Variants in MCF2L observed in about 807,000 individuals in gnomAD.
MCF2L encodes the protein MCF.2 cell line derived transforming sequence like.
In MCF2L, 97 loss-of-function variants were observed where a neutral mutation model predicts 153.4. The observed-to-expected ratio is 0.63, with a 90% CI of 0.54 to 0.75. MCF2L has a LOEUF of 0.75. MCF2L is among the 30% of genes least tolerant of loss of function. The pLI is 0.00. For synonymous variants in MCF2L, 659 were observed against 632.2 expected, an observed-to-expected ratio of 1.04 and a Z score of -0.64; for missense variants, 1,347 against 1,495.2, an observed-to-expected ratio of 0.90 and a Z score of 1.64.
intron 1 of MCF2L, among the ~76,000 whole-genome samples, chr13:113,007,358 C>A (rs2083773110): frequency 6.6e-6 from 1 of 152,220 alleles, no homozygotes; most frequent in Admixed American, 6.5e-5. Context: ...GACAGTGTGA[C>A]CTTGAGAACA....
At chr13:112,944,121 G>C (rs1381230839) in intron 2 of MCF2L, among the ~76,000 whole-genome samples, 1 of 150,798 alleles carries the variant, frequency 6.6e-6, no homozygotes. Context: ...CCCGGGCCGT[G>C]AGGGGAGGGG....
intron 1 of MCF2L, among the ~76,000 whole-genome samples, chr13:112,899,004 C>T (rs962497597): frequency 2.6e-5 from 4 of 152,236 alleles, no homozygotes; most frequent in Non-Finnish European, 5.9e-5. Flanking sequence ...GGTCTGCCCC[C>T]GCTTGGTGGT....
intron 1 of MCF2L, among the ~76,000 whole-genome samples, chr13:112,982,136 C>T (rs1359315930): frequency 1.3e-5 from 2 of 152,138 alleles, no homozygotes; most frequent in Non-Finnish European, 2.9e-5. Context: ...GACAAAGGGA[C>T]AAGAGCTCAG....
chr13:113,011,798 C>T (rs1334802948), intron 1 of MCF2L, among the ~76,000 whole-genome samples: 18 of 106,208 alleles, frequency 1.7e-4, no homozygotes, highest in African/African-American at 6.5e-4. Context: ...GTGATGCGGA[C>T]GGTGGACAGG....
chr13:112,986,980 G>A (rs950404814), intron 1 of MCF2L, among the ~76,000 whole-genome samples: 10 of 152,326 alleles, frequency 6.6e-5, no homozygotes, highest in African/African-American at 2.2e-4. Flanking sequence ...GCTCCGGGGA[G>A]GTTTCAGGTG....
chr13:113,024,760 T>C lies in MCF2L; in HGVS notation c.278+2T>C. The C allele has an allele frequency of 6.2e-7, 1 of 1,610,348 alleles. No homozygotes were observed. Among genetic ancestry groups the C allele is most frequent in the Non-Finnish European group, 8.5e-7 (1 of 1,176,538 alleles). Reference sequence around the variant, plus strand: ...GACCTACCTCACCAGCATCCCCAGGTACGTGCACCCAGAGCCCGGCAGACA... The same window carrying C: ...GACCTACCTCACCAGCATCCCCAGGCACGTGCACCCAGAGCCCGGCAGACA... On this transcript the variant is annotated splice_donor_variant, in intron 3 of 29. Transcript: ENST00000535094. LOFTEE classifies it high-confidence loss of function.
At chr13:113,021,069 T>C (rs1205740611) in intron 2 of MCF2L, among the ~76,000 whole-genome samples, 2 of 152,128 alleles carry the variant, frequency 1.3e-5, no homozygotes, top group Non-Finnish European at 2.9e-5. Context: ...TGTGTATATA[T>C]AGGTGTGTAT....
intron 3 of MCF2L, among the ~76,000 whole-genome samples, chr13:113,041,652 C>T (rs1194659977): frequency 1.3e-5 from 2 of 152,184 alleles, no homozygotes; most frequent in African/African-American, 4.8e-5. Flanking sequence ...ACGTCAGAGG[C>T]TTTTTTAGTC....
In MCF2L at chr13:113,088,634, A is replaced by G. The variant is rs1408664711; in HGVS notation, c.2834+6A>G. ...CCGGCCCCGACCAGCACCAGGTGAG[A>G]ATGGACACGCTGCCGCAGGCCTGCG... On this transcript the variant is annotated splice_donor_region_variant and intron_variant, in intron 25 of 29. Transcript: ENST00000535094. 3 of 1,605,352 alleles carry G rather than the reference A, an allele frequency of 1.9e-6. No homozygotes were observed. In the East Asian group the frequency reaches 6.7e-5, roughly 36 times the overall value.
At chr13:112,995,401 G>A (rs1437720162) in intron 1 of MCF2L, among the ~76,000 whole-genome samples, 1 of 152,252 alleles carries the variant, frequency 6.6e-6, no homozygotes, top group African/African-American at 2.4e-5. Flanking sequence ...CTGTATGAGA[G>A]CTTAGGGCAG....
intron 1 of MCF2L, among the ~76,000 whole-genome samples, chr13:112,985,686 C>T (rs1178087563): frequency 2.0e-5 from 3 of 152,298 alleles, no homozygotes; most frequent in East Asian, 3.9e-4. Context: ...TCATCTGATC[C>T]TAATTTATGT....
chr13:113,090,215 A>G, intron 26 of MCF2L: 1 of 1,470,156 alleles, frequency 6.8e-7, no homozygotes, highest in Non-Finnish European at 9.1e-7. Flanking sequence ...TCTGTCATGC[A>G]TCGTGTGTGA....
chr13:113,041,411 C>T lies in MCF2L; in HGVS notation c.279-3860C>T, dbSNP rs371859436. ...TGGGCCGTGGGGGGGCGGGGAATCA[C>T]GTGGCCCTGCCCTCATGACCACAGT... On this transcript the variant is annotated intron_variant, in intron 3 of 29. Transcript: ENST00000535094. 5.9e-5 allele frequency among the ~76,000 whole-genome samples: 9 copies of T among 152,214 alleles called. No individual in the cohort carries two copies. The East Asian group carries it at 1.2e-3, about 20-fold the overall frequency.
At chr13:113,089,187 C>T (rs1454458956) in intron 25 of MCF2L, among the ~76,000 whole-genome samples, 149 of 132,570 alleles carry the variant, frequency 1.1e-3, no homozygotes, top group African/African-American at 3.6e-3. Context: ...CCCCGCCCCC[C>T]GAAAAAAAAA....
chr13:113,041,880 C>T (rs2086516667), intron 3 of MCF2L, among the ~76,000 whole-genome samples: 1 of 152,116 alleles, frequency 6.6e-6, no homozygotes, highest in Non-Finnish European at 1.5e-5. Context: ...TGGACGTGGC[C>T]TTAGGGGCAG....
chr13:113,006,789 C>T (rs1189796279), intron 1 of MCF2L, among the ~76,000 whole-genome samples: 1 of 152,212 alleles, frequency 6.6e-6, no homozygotes, highest in East Asian at 1.9e-4. Flanking sequence ...GAGAACGCCC[C>T]GAGCATCTGG....
chr13:113,028,349 C>A lies in MCF2L; in HGVS notation c.278+3591C>A, dbSNP rs922248869. Among the ~76,000 whole-genome samples the A allele has an allele frequency of 6.6e-6, 1 of 152,196 alleles. No individual in the cohort carries two copies. Among genetic ancestry groups the A allele is most frequent in the Non-Finnish European group, 1.5e-5 (1 of 68,034 alleles). On this transcript the variant is annotated intron_variant, in intron 3 of 29. Coordinates refer to ENST00000535094, the MANE Select transcript of MCF2L (RefSeq NM_001112732.3). This position sits in a 1 kb window ranked among gnomAD's most constrained non-coding sequence, Gnocchi z 5.4. ...TAGGCGGCACGTGTTCATGTGTGCA[C>A]GCCTCTGTTTATCCGATGTTCTGGA...
At chr13:113,083,938 G>C in intron 17 of MCF2L, 60 bp from the exon 18 acceptor site, 1 of 1,239,246 alleles carries the variant, frequency 8.1e-7, no homozygotes, top group African/African-American at 1.5e-5. Context: ...CCATCCACTT[G>C]TCACTGGTCC....
chr13:112,994,207 G>C (rs77454680), intron 1 of MCF2L, among the ~76,000 whole-genome samples: 1 of 150,156 alleles, frequency 6.7e-6, no homozygotes, highest in African/African-American at 2.5e-5. Flanking sequence ...GGCTGCCAAC[G>C]GGGCACGGTG....
Sources: gnomAD v4.1 joint callset for allele counts (sites outside exome capture counted in the v4.1 genomes callset) on GRCh38, gnomAD v4.1.1 for gene constraint, Gnocchi (gnomAD v3.1) non-coding constraint, MANE v1.5 for transcripts, NCBI Gene and HGNC (gene_info 2026-07-23, HGNC 2026-07-21) for gene names.